The following PDE7B variants were observed in gnomAD, a reference collection of about 807,000 sequenced individuals.
PDE7B encodes the protein 3',5'-cyclic-AMP phosphodiesterase 7B.
In PDE7B, 29 loss-of-function variants were observed where a neutral mutation model predicts 56.2. The observed-to-expected ratio is 0.52, with a 90% CI of 0.38 to 0.70. The LOEUF (loss-of-function observed/expected upper bound fraction) is 0.70. Ranked by LOEUF, PDE7B falls within the 30% of genes least tolerant of loss-of-function variation. PDE7B has a pLI of 0.00. For synonymous variants in PDE7B, 197 were observed against 196.9 expected, an observed-to-expected ratio of 1.00 and a Z score of 0.00; for missense variants, 490 against 565.0, an observed-to-expected ratio of 0.87 and a Z score of 1.35.
chr6:135,853,531 C>G (rs1185281179), intron 1 of PDE7B, among the ~76,000 whole-genome samples: 1 of 152,166 alleles, frequency 6.6e-6, no homozygotes, highest in African/African-American at 2.4e-5. Context: ...TTGACATTTT[C>G]TCCAATAAAA....
intron 2 of PDE7B, among the ~76,000 whole-genome samples, chr6:136,016,103 A>G (rs1008646401): frequency 2.0e-5 from 3 of 152,176 alleles, no homozygotes; most frequent in East Asian, 1.9e-4. Flanking sequence ...GAGTTTCTCA[A>G]TTGTGCTAAA....
At chr6:135,929,341 C>T (rs1305725766) in intron 1 of PDE7B, among the ~76,000 whole-genome samples, 1 of 151,980 alleles carries the variant, frequency 6.6e-6, no homozygotes, top group African/African-American at 2.4e-5. Context: ...CTTATTATTT[C>T]CTGTAAGAGT....
At chr6:135,968,133 T>C (rs1201643040) in intron 2 of PDE7B, among the ~76,000 whole-genome samples, 1 of 152,190 alleles carries the variant, frequency 6.6e-6, no homozygotes, top group Non-Finnish European at 1.5e-5. Context: ...AACCCCTTCC[T>C]TATACCTTAT....
At chr6:136,098,149 A>C (rs1049015212) in intron 2 of PDE7B, 4 of 135,540 alleles carry the variant, frequency 3.0e-5, no homozygotes, top group East Asian at 5.1e-4. Context: ...GGGGGGGGGA[A>C]ATATATGTAT....
intron 2 of PDE7B, chr6:135,991,821 C>G (rs1335813976): frequency 6.6e-6 from 1 of 152,118 alleles, no homozygotes; most frequent in African/African-American, 2.4e-5. Flanking sequence ...AGACTTTATG[C>G]CTATGCCTTG....
chr6:135,872,302 C>T (rs1178153806), intron 1 of PDE7B, among the ~76,000 whole-genome samples: 1 of 152,092 alleles, frequency 6.6e-6, no homozygotes, highest in African/African-American at 2.4e-5. Context: ...GGGAGAATTC[C>T]TGTTTAAGAT....
intron 10 of PDE7B, among the ~76,000 whole-genome samples, chr6:136,180,051 A>T (rs191137099): frequency 1.3e-5 from 2 of 152,300 alleles, no homozygotes; most frequent in South Asian, 2.1e-4. Flanking sequence ...GCAAAAAAAC[A>T]TAGTGAATGG....
intron 2 of PDE7B, among the ~76,000 whole-genome samples, chr6:135,974,372 C>T: frequency 6.6e-6 from 1 of 151,842 alleles, no homozygotes. Flanking sequence ...ATCCTCTCTA[C>T]AAAATACTAC....
At chr6:136,151,060 A>C (rs1212684828) in intron 5 of PDE7B, 100 bp from the exon 6 acceptor site, 1 of 654,966 alleles carries the variant, frequency 1.5e-6, no homozygotes, top group Non-Finnish European at 2.7e-6. Context: ...AAAATATTCT[A>C]TCACAGAAAC....
intron 2 of PDE7B, chr6:136,012,775 A>C (rs1375698646): frequency 6.6e-6 from 1 of 152,236 alleles, no homozygotes; most frequent in African/African-American, 2.4e-5. Context: ...CAAACATATA[A>C]GGAAAAGAAG....
intron 2 of PDE7B, among the ~76,000 whole-genome samples, chr6:135,950,644 C>A (rs1005960322): frequency 1.3e-5 from 2 of 152,248 alleles, no homozygotes; most frequent in African/African-American, 2.4e-5. Flanking sequence ...TCTACCCACT[C>A]ACACTCCAGG....
At chr6:136,090,014 G>A (rs751071849) in intron 2 of PDE7B, among the ~76,000 whole-genome samples, 5 of 152,120 alleles carry the variant, frequency 3.3e-5, no homozygotes, top group Non-Finnish European at 5.9e-5. Flanking sequence ...GATTACTAGC[G>A]ATTGTGTAGG....
At chr6:136,091,145 TG>T (rs1167165022) in intron 2 of PDE7B, among the ~76,000 whole-genome samples, 1 of 152,220 alleles carries the variant, frequency 6.6e-6, no homozygotes, top group Non-Finnish European at 1.5e-5. Context: ...TAGCCATCAG[TG>T]GTTCTCAACA....
chr6:136,078,395 A>G (rs754872315), intron 2 of PDE7B, among the ~76,000 whole-genome samples: 5 of 152,178 alleles, frequency 3.3e-5, no homozygotes, highest in Admixed American at 6.5e-5. Context: ...CTATCTGACA[A>G]TTTTGATGAT....
At chr6:136,158,197 A>G (rs1778642661) in intron 8 of PDE7B, among the ~76,000 whole-genome samples, 1 of 152,186 alleles carries the variant, frequency 6.6e-6, no homozygotes, top group Non-Finnish European at 1.5e-5. Flanking sequence ...GCTGAGACAC[A>G]AATGGGCTTT....
chr6:135,934,740 AT>A (rs67535321), intron 1 of PDE7B, among the ~76,000 whole-genome samples: 33,136 of 93,672 alleles, frequency 0.35, 5,478 homozygotes, highest in East Asian at 0.5. Context: ...AAAAAAAAAA[AT>A]ATATATATAT....
chr6:136,093,198 G>A (rs1023265274), intron 2 of PDE7B, among the ~76,000 whole-genome samples: 4 of 152,176 alleles, frequency 2.6e-5, no homozygotes, highest in African/African-American at 9.7e-5. Context: ...CTTGTCAGGG[G>A]TATGTTTAAT....
intron 1 of PDE7B, among the ~76,000 whole-genome samples, chr6:135,878,228 A>G (rs1004379383): frequency 1.3e-5 from 2 of 152,236 alleles, no homozygotes; most frequent in Non-Finnish European, 2.9e-5. Flanking sequence ...ATTTTCTTTG[A>G]TATTTGTTTA....
At chr6:136,092,954 C>G (rs1203162682) in intron 2 of PDE7B, among the ~76,000 whole-genome samples, 1 of 152,180 alleles carries the variant, frequency 6.6e-6, no homozygotes, top group African/African-American at 2.4e-5. Flanking sequence ...CACAAACACA[C>G]ACACAAGATT....
Sources: allele counts gnomAD v4.1 joint callset (sites outside exome capture counted in the v4.1 genomes callset), GRCh38; gene constraint gnomAD v4.1.1; transcripts MANE v1.5; gene names NCBI Gene and HGNC (gene_info 2026-07-23, HGNC 2026-07-21).